The following ZNF609 variants were observed in gnomAD, a reference collection of about 807,000 sequenced individuals.
The protein encoded by ZNF609 is zinc finger protein 609.
In ZNF609, 11 loss-of-function variants were observed where a neutral mutation model predicts 109.5. The observed-to-expected ratio is 0.10, with a 90% CI of 0.06 to 0.17. The LOEUF (loss-of-function observed/expected upper bound fraction) is 0.17. ZNF609 is among the 10% of genes least tolerant of loss of function. The probability of loss-of-function intolerance (pLI) is 1.00; values close to 1 mark genes in which losing one functional copy is unlikely to be tolerated. For missense variants in ZNF609, 1,559 were observed against 1,772.4 expected, an observed-to-expected ratio of 0.88 and a Z score of 2.16; for synonymous variants, 646 against 662.0, an observed-to-expected ratio of 0.98 and a Z score of 0.37.
chr15:64,469,036 T>TTAA (rs1555413459), intron 1 of ZNF609, among the ~76,000 whole-genome samples: 1 of 60,800 alleles, frequency 1.6e-5, no homozygotes, highest in South Asian at 8.2e-4. Context: ...CCTCATATCT[T>TTAA]AAAAAAAAAA....
In ZNF609 at chr15:64,602,966, C is replaced by T. The variant is rs576440062; in HGVS notation, c.748-19861C>T. On this transcript the variant is annotated intron_variant, in intron 2 of 9. Coordinates refer to ENST00000326648, the MANE Select transcript of ZNF609 (RefSeq NM_015042.2). ...TTCACTGTGTTAGCCAGGATGGTCT[C>T]GATCTCCTGACCTTGTGATCTGCCC... 3.3e-4 allele frequency among the ~76,000 whole-genome samples: 44 copies of T among 132,814 alleles called. 1 individual carries two copies. The East Asian group carries it at 9.5e-3, about 29-fold the overall frequency. 87.1% of individuals were successfully genotyped at this position (132,814 alleles called of 152,430 possible).
intron 2 of ZNF609, among the ~76,000 whole-genome samples, chr15:64,504,031 G>A (rs1460836350): frequency 6.6e-6 from 1 of 152,120 alleles, no homozygotes; most frequent in Admixed American, 6.6e-5. Flanking sequence ...CTGATCCAAG[G>A]CTTTCTTAAC....
At chr15:64,547,251 C>CT (rs1029728207) in intron 2 of ZNF609, among the ~76,000 whole-genome samples, 3 of 152,024 alleles carry the variant, frequency 2.0e-5, no homozygotes, top group African/African-American at 7.2e-5. Context: ...ATTTCCTAGG[C>CT]TTTTTGGAGA....
chr15:64,674,524 G>A lies in ZNF609; in HGVS notation c.1670G>A (p.Gly557Asp). ...SCNGASVSQK[G>D]SLSPARSATP... ...AACGGTGCATCTGTCTCACAAAAAG[G>A]TTCCTTGTCCCCTGCCCGCTCAGCT... Residue 557 changes from glycine to aspartate, a missense_variant, in exon 5 of 10, where the codon GGT becomes GAT. Transcript: ENST00000326648. 1.9e-6 allele frequency: 3 copies of A among 1,614,106 alleles called. No individual in the cohort carries two copies. The highest frequency in any genetic ancestry group is 2.5e-6 in the Non-Finnish European group (3 of 1,180,026).
chr15:64,629,153 T>A (rs1896023570), intron 3 of ZNF609, among the ~76,000 whole-genome samples: 1 of 152,226 alleles, frequency 6.6e-6, no homozygotes, highest in African/African-American at 2.4e-5. Flanking sequence ...CTCTTCCTTC[T>A]TGTATTCATT....
Position 64,499,988 on chromosome 15 carries a change from C to T in ZNF609, c.569C>T (p.Pro190Leu), listed in dbSNP as rs1350097896. Residue 190 changes from proline to leucine, a missense_variant, in exon 2 of 10, where the codon CCC becomes CTC. Physicochemically the swap from Pro to Leu is moderately conservative, Grantham distance 98. Coordinates refer to ENST00000326648, the MANE Select transcript of ZNF609 (RefSeq NM_015042.2). ...GATCCTGGGGTCCTCCAGCCAGTTC[C>T]CTTGGGAGGACGGGGTGGTCAGTAT... is the stretch of plus-strand genomic sequence containing the variant. ...EKDPGVLQPV[P>L]LGGRGGQYDG... is the part of the protein sequence containing the mutation. 6.2e-7 allele frequency: 1 copy of T among 1,613,930 alleles called. No individual in the cohort carries two copies. The highest frequency in any genetic ancestry group is 8.5e-7 in the Non-Finnish European group (1 of 1,180,010).
chr15:64,600,534 G>T (rs1275269579), intron 2 of ZNF609, among the ~76,000 whole-genome samples: 1 of 151,104 alleles, frequency 6.6e-6, no homozygotes, highest in Non-Finnish European at 1.5e-5. Flanking sequence ...CTCCTCGAAG[G>T]CTGAGGCACA....
chr15:64,466,759 T>A (rs1318140269), intron 1 of ZNF609, among the ~76,000 whole-genome samples: 1 of 152,212 alleles, frequency 6.6e-6, no homozygotes, highest in Non-Finnish European at 1.5e-5. Flanking sequence ...ACAAACCACT[T>A]ATGCTTTCCT....
Position 64,678,163 on chromosome 15 carries a change from A to G in ZNF609, c.3450A>G (p.Ser1150=), listed in dbSNP as rs558062142. 20 of 1,614,188 alleles carry G rather than the reference A, an allele frequency of 1.2e-5. No individual in the cohort carries two copies. In the South Asian group the frequency reaches 2.1e-4, roughly 17 times the overall value. The change falls in exon 6 of 10, where the codon TCA becomes TCG. Residue 1150 remains serine, a synonymous_variant. Transcript: ENST00000326648. ...CATATGTTTATCCTGCCAAGTACTC[A>G]GACATCAAGTCAGAGGATGAGCGGT... The part of the protein sequence containing the change: ...MWTYVYPAKY[S]DIKSEDERWK...
chr15:64,594,461 T>A (rs1206975677), intron 2 of ZNF609, among the ~76,000 whole-genome samples: 1 of 151,766 alleles, frequency 6.6e-6, no homozygotes, highest in Non-Finnish European at 1.5e-5. Flanking sequence ...GCCACCTCAG[T>A]AGCTGGGACT....
intron 1 of ZNF609, among the ~76,000 whole-genome samples, chr15:64,499,014 A>G (rs896917900): frequency 6.6e-6 from 1 of 152,194 alleles, no homozygotes. Context: ...TAGGTCTCTT[A>G]GGAGTGGGAA....
chr15:64,554,464 A>C (rs1171185894), intron 2 of ZNF609, among the ~76,000 whole-genome samples: 2 of 151,920 alleles, frequency 1.3e-5, no homozygotes, highest in African/African-American at 4.8e-5. Context: ...AACAAGACAA[A>C]ACCCCATCTC....
chr15:64,551,996 A>AG (rs1262186214), intron 2 of ZNF609, among the ~76,000 whole-genome samples: 8 of 137,686 alleles, frequency 5.8e-5, no homozygotes, highest in Non-Finnish European at 1.4e-4. Context: ...AAAAAAAAAA[A>AG]AAAAAAGTTT....
At chr15:64,488,195 A>G (rs987626119) in intron 1 of ZNF609, among the ~76,000 whole-genome samples, 1 of 152,108 alleles carries the variant, frequency 6.6e-6, no homozygotes, top group African/African-American at 2.4e-5. Flanking sequence ...TTTTTTCTGG[A>G]GAAAGGAATC....
intron 3 of ZNF609, among the ~76,000 whole-genome samples, chr15:64,648,187 A>G (rs1438620115): frequency 6.6e-6 from 1 of 152,232 alleles, no homozygotes; most frequent in Non-Finnish European, 1.5e-5. Context: ...GAGGCAGCGT[A>G]GTTAAAAATA....
chr15:64,603,548 C>T (rs926055500), intron 2 of ZNF609, among the ~76,000 whole-genome samples: 2 of 151,536 alleles, frequency 1.3e-5, no homozygotes, highest in Admixed American at 6.6e-5. Context: ...GGATTACAGG[C>T]GTGAGCCACT....
chr15:64,634,078 ATG>A (rs894521951), intron 3 of ZNF609, among the ~76,000 whole-genome samples: 12 of 151,522 alleles, frequency 7.9e-5, no homozygotes, highest in African/African-American at 1.9e-4. Flanking sequence ...GCATATATAT[ATG>A]TGTGTGTGTG....
chr15:64,549,855 A>C (rs1342426701), intron 2 of ZNF609, among the ~76,000 whole-genome samples: 1 of 152,208 alleles, frequency 6.6e-6, no homozygotes, highest in Non-Finnish European at 1.5e-5. Flanking sequence ...GTGCAATCAC[A>C]GCTCATTGCA....
chr15:64,519,607 G>A (rs937301807), intron 2 of ZNF609, among the ~76,000 whole-genome samples: 7 of 152,140 alleles, frequency 4.6e-5, no homozygotes, highest in East Asian at 3.9e-4. Context: ...GGAAAAGTTC[G>A]TTTCTCATGC....
Sources: allele counts gnomAD v4.1 joint callset (sites outside exome capture counted in the v4.1 genomes callset), GRCh38; gene constraint gnomAD v4.1.1; transcripts MANE v1.5; gene names NCBI Gene and HGNC (gene_info 2026-07-23, HGNC 2026-07-21).